The following PCDHGB3 variants were observed in gnomAD, a reference collection of about 807,000 sequenced individuals.
PCDHGB3 encodes protocadherin gamma subfamily B, 3, also known as protocadherin gamma-B3.
In PCDHGB3, 40 loss-of-function variants were observed where a neutral mutation model predicts 59.2. The ratio of observed to expected loss-of-function variants is 0.68; its 90% CI spans 0.52 to 0.88. The LOEUF is 0.88. Among genes scored for constraint, PCDHGB3 ranks in the 40% least tolerant of loss-of-function variants. The pLI is 0.00. For missense variants in PCDHGB3, 1,309 were observed against 1,187.9 expected (o/e 1.10, Z -1.50); for synonymous variants, 581 against 503.6 (o/e 1.15, Z -2.06).
At chr5:141,421,267 C>T in intron 1 of PCDHGB3, 1 of 1,611,374 alleles carries the variant, frequency 6.2e-7, no homozygotes, top group Non-Finnish European at 8.5e-7. Flanking sequence ...CAGTCGGCTG[C>T]TGCTGCTGCT....
Position 141,486,070 on chromosome 5 carries a change from T to C in PCDHGB3, c.2416-8737T>C. ...ACCTCTTTAGCCTGCACCCCACTAC[T>C]GGAAAGCTTACTCTTTTGGGGCCCC... On this transcript the variant is annotated intron_variant, in intron 1 of 3. Coordinates refer to ENST00000576222, the MANE Select transcript of PCDHGB3 (RefSeq NM_018924.5). The surrounding 1 kb of genome is among the most constrained non-coding windows in gnomAD (Gnocchi z 5.0). 6.2e-7 allele frequency: 1 copy of C among 1,614,158 alleles called. No homozygotes were observed. The highest frequency in any genetic ancestry group is 8.5e-7 in the Non-Finnish European group (1 of 1,180,010).
chr5:141,504,541 C>G (rs1050153403), intron 2 of PCDHGB3, among the ~76,000 whole-genome samples: 2 of 151,728 alleles, frequency 1.3e-5, no homozygotes, highest in Non-Finnish European at 2.9e-5. Context: ...GTCATCATGG[C>G]AAATGTTGGG....
intron 1 of PCDHGB3, chr5:141,430,781 C>A: frequency 6.6e-7 from 1 of 1,510,922 alleles, no homozygotes; most frequent in Non-Finnish European, 8.8e-7. Context: ...GCGACTGCAC[C>A]GGGACTACAA....
intron 1 of PCDHGB3, among the ~76,000 whole-genome samples, chr5:141,437,064 G>T (rs1380953110): frequency 6.6e-6 from 1 of 152,170 alleles, no homozygotes; most frequent in Non-Finnish European, 1.5e-5. Flanking sequence ...ATCATTATTT[G>T]GTTTGGGCCA....
intron 1 of PCDHGB3, among the ~76,000 whole-genome samples, chr5:141,475,231 G>A (rs1188161872): frequency 6.6e-6 from 1 of 152,190 alleles, no homozygotes; most frequent in Admixed American, 6.5e-5. Flanking sequence ...AAAGGGAAAC[G>A]ATAGAGAGAG....
intron 1 of PCDHGB3, chr5:141,441,088 G>A (rs1050261040): frequency 3.9e-5 from 6 of 152,162 alleles, no homozygotes; most frequent in African/African-American, 1.4e-4. Context: ...GGTAGCAAGT[G>A]ACAGAGAGGG....
intron 1 of PCDHGB3, among the ~76,000 whole-genome samples, chr5:141,401,846 A>G (rs1168982151): frequency 6.6e-6 from 1 of 152,216 alleles, no homozygotes; most frequent in Non-Finnish European, 1.5e-5. Context: ...AATACCACTT[A>G]CTTTTAACCT....
intron 1 of PCDHGB3, chr5:141,475,902 C>A (rs1296545944): frequency 1.7e-6 from 1 of 576,594 alleles, no homozygotes; most frequent in Non-Finnish European, 3.0e-6. Context: ...GTGCCGCTGT[C>A]GGCCAATGAA....
In PCDHGB3 at chr5:141,383,284, A is replaced by G. The variant is rs760384498; in HGVS notation, c.2415+10475A>G. ...CGTGGAAATAATAGATATTAATGAC[A>G]ACGTTCCAAGATTCTTGACGGAAGA... On this transcript the variant is annotated intron_variant, in intron 1 of 3. Transcript: ENST00000576222. 4 of 1,613,962 alleles carry G rather than the reference A, an allele frequency of 2.5e-6. No homozygotes were observed. In the East Asian group the frequency reaches 8.9e-5, roughly 36 times the overall value.
At chr5:141,390,385 C>T in intron 1 of PCDHGB3, 1 of 1,430,580 alleles carries the variant, frequency 7.0e-7, no homozygotes, top group South Asian at 1.3e-5. Flanking sequence ...TTTTAGATGT[C>T]ATGGATCATT....
At chr5:141,383,066 C>T (rs1305703893) in intron 1 of PCDHGB3, 1 of 1,613,826 alleles carries the variant, frequency 6.2e-7, no homozygotes, top group Admixed American at 1.7e-5. Flanking sequence ...GGGCTGGAGC[C>T]CCGGGAGCTG....
intron 1 of PCDHGB3, chr5:141,428,149 G>A (rs1048150182): frequency 8.8e-6 from 14 of 1,586,676 alleles, no homozygotes; most frequent in African/African-American, 1.3e-5. Flanking sequence ...CTGCACACGG[G>A]AACCTGCTGG....
chr5:141,404,165 T>G, intron 1 of PCDHGB3: 1 of 1,613,246 alleles, frequency 6.2e-7, no homozygotes, highest in Non-Finnish European at 8.5e-7. Flanking sequence ...TTACAGATTG[T>G]TGACGGCCCA....
Position 141,400,031 on chromosome 5 carries a change from G to A in PCDHGB3, c.2415+27222G>A, listed in dbSNP as rs373709904. The A allele has an allele frequency of 2.2e-5, 36 of 1,612,964 alleles. No individual in the cohort carries two copies. In the African/African-American group the frequency reaches 4.5e-4, roughly 20 times the overall value. The stretch of plus-strand genomic sequence containing the variant: ...GCCTTGGGCGACAGGGACGCGGCCC[G>A]CCAGCGCCTGCTGGTTGCTGTGCGT... On this transcript the variant is annotated intron_variant, in intron 1 of 3. Coordinates refer to ENST00000576222, the MANE Select transcript of PCDHGB3 (RefSeq NM_018924.5).
chr5:141,478,418 C>A, intron 1 of PCDHGB3: 1 of 1,613,650 alleles, frequency 6.2e-7, no homozygotes, highest in Non-Finnish European at 8.5e-7. Context: ...GGACTCCCGC[C>A]GCAGCGACCC....
intron 1 of PCDHGB3, among the ~76,000 whole-genome samples, chr5:141,447,677 A>G (rs748479750): frequency 6.6e-6 from 1 of 152,184 alleles, no homozygotes; most frequent in Non-Finnish European, 1.5e-5. Context: ...GAACTGTTCC[A>G]TATCTTGATA....
chr5:141,372,405 A>T lies in PCDHGB3; in HGVS notation c.2011A>T (p.Ile671Leu). 1.2e-6 allele frequency: 2 copies of T among 1,614,024 alleles called. No homozygotes were observed. The highest frequency in any genetic ancestry group is 1.7e-6 in the Non-Finnish European group (2 of 1,179,894). Reference sequence around the variant, plus strand: ...AATCTTCGCAGATAGCTTGCAAGAGATACAACCTGACCTTAGCGACCGCCC... The same window carrying T: ...AATCTTCGCAGATAGCTTGCAAGAGTTACAACCTGACCTTAGCGACCGCCC... Reference protein sequence around the residue: ...HLIFADSLQEIQPDLSDRPTP... With the variant: ...HLIFADSLQELQPDLSDRPTP... The change falls in exon 1 of 4, where the codon ATA becomes TTA. Residue 671 changes from isoleucine (I) to leucine (L), a missense_variant. Coordinates refer to ENST00000576222, the MANE Select transcript of PCDHGB3 (RefSeq NM_018924.5).
In PCDHGB3 at chr5:141,489,068, G is replaced by GGC; in HGVS notation, c.2416-5739_2416-5738insGC. 1 of 291,558 alleles carries GGC rather than the reference G, an allele frequency of 3.4e-6. No individual in the cohort carries two copies. The allele number at this position is 291,558 out of a possible 1,614,324, so 18.1% of individuals were successfully genotyped here. ...CTCAAATTCAGCTCCCCTCCCCCCT[G>GGC]CCCACCCCCGCCACTCGGTGACTAA... On this transcript the variant is annotated intron_variant, in intron 1 of 3. Transcript: ENST00000576222. The surrounding 1 kb of genome is among the most constrained non-coding windows in gnomAD (Gnocchi z 4.5).
At position 141,431,110 on chromosome 5, in the gene PCDHGB3, T is replaced by G; in HGVS notation, c.2415+58301T>G. 1.2e-6 allele frequency: 2 copies of G among 1,614,168 alleles called. No individual in the cohort carries two copies. The highest frequency in any genetic ancestry group is 1.7e-6 in the Non-Finnish European group (2 of 1,180,012). On this transcript the variant is annotated intron_variant, in intron 1 of 3. Transcript: ENST00000576222. This position sits in a 1 kb window ranked among gnomAD's most constrained non-coding sequence, Gnocchi z 4.8. Reference sequence around the variant, plus strand: ...TGATGGAGGATAAAGTGAAAATATATGGAGTAGAAGTAGAAGTAAGGGACA... The same window carrying G: ...TGATGGAGGATAAAGTGAAAATATAGGGAGTAGAAGTAGAAGTAAGGGACA...
Sources: gnomAD v4.1 joint callset for allele counts (sites outside exome capture counted in the v4.1 genomes callset) on GRCh38, gnomAD v4.1.1 for gene constraint, Gnocchi (gnomAD v3.1) non-coding constraint, MANE v1.5 for transcripts, NCBI Gene and HGNC (gene_info 2026-07-23, HGNC 2026-07-21) for gene names.